The following LDLRAD4 variants were observed in gnomAD, a reference collection of about 807,000 sequenced individuals.
The protein encoded by LDLRAD4 is low density lipoprotein receptor class A domain containing 4, also known as low-density lipoprotein receptor class A domain-containing protein 4.
A neutral mutation model predicts 17.0 loss-of-function variants in LDLRAD4; 5 were observed. The ratio of observed to expected loss-of-function variants is 0.29; its 90% CI spans 0.15 to 0.62. The LOEUF is 0.62. LDLRAD4 is among the 20% of genes least tolerant of loss of function. The pLI is 0.84. For synonymous variants in LDLRAD4, 168 were observed against 171.8 expected, an observed-to-expected ratio of 0.98 and a Z score of 0.17; for missense variants, 340 against 424.7, an observed-to-expected ratio of 0.80 and a Z score of 1.75.
intron 3 of LDLRAD4, among the ~76,000 whole-genome samples, chr18:13,504,338 C>G (rs1291484163): frequency 6.6e-6 from 1 of 152,240 alleles, no homozygotes; most frequent in Non-Finnish European, 1.5e-5. Context: ...GCTTTTAAGA[C>G]AAGTGTCCAC....
chr18:13,443,913 G>T (rs2091212185), intron 3 of LDLRAD4, among the ~76,000 whole-genome samples: 1 of 152,200 alleles, frequency 6.6e-6, no homozygotes, highest in Admixed American at 6.5e-5. Flanking sequence ...CTGTGTGTGT[G>T]AAACTACCGC....
chr18:13,427,560 A>G (rs560996739), intron 2 of LDLRAD4: 1 of 152,414 alleles, frequency 6.6e-6, no homozygotes, highest in East Asian at 1.9e-4. Context: ...TTCCTGAATC[A>G]ACAGTCCAGG....
intron 1 of LDLRAD4, among the ~76,000 whole-genome samples, chr18:13,294,390 C>T (rs1476973119): frequency 1.3e-5 from 2 of 152,196 alleles, no homozygotes; most frequent in Non-Finnish European, 2.9e-5. Flanking sequence ...CTTAATCACT[C>T]GACCTGAATG....
chr18:13,604,035 A>G (rs1053376938), intron 3 of LDLRAD4, among the ~76,000 whole-genome samples: 12 of 152,380 alleles, frequency 7.9e-5, no homozygotes, highest in Admixed American at 5.2e-4. Flanking sequence ...GTGTCAGGCT[A>G]GTCTTAAATG....
At chr18:13,562,975 CTA>C (rs2094557198) in intron 3 of LDLRAD4, 1 of 152,218 alleles carries the variant, frequency 6.6e-6, no homozygotes, top group Admixed American at 6.5e-5. Flanking sequence ...CTGCCACCCT[CTA>C]TATAGAGACG....
chr18:13,410,180 ATGGGGGGCGC>A (rs2088197994), intron 2 of LDLRAD4, among the ~76,000 whole-genome samples: 2 of 152,088 alleles, frequency 1.3e-5, no homozygotes, highest in East Asian at 3.9e-4. Flanking sequence ...CTGACATGGC[ATGGGGGGCGC>A]TAAGGAGACG....
At chr18:13,523,324 A>T (rs952777144) in intron 3 of LDLRAD4, among the ~76,000 whole-genome samples, 3 of 152,186 alleles carry the variant, frequency 2.0e-5, no homozygotes, top group African/African-American at 7.2e-5. Flanking sequence ...TAGGGGGGAC[A>T]TGCAGCAGTC....
Position 13,584,013 on chromosome 18 carries a change from T to C in LDLRAD4, c.182-37104T>C, listed in dbSNP as rs60524876. 4.1e-4 allele frequency among the ~76,000 whole-genome samples: 62 copies of C among 152,222 alleles called. 1 individual carries two copies. The East Asian group carries it at 0.012, about 29-fold the overall frequency. On this transcript the variant is annotated intron_variant, in intron 3 of 5. Transcript: ENST00000359446. ...TTCCCTTGAGGACCACCACCGCCCT[T>C]AGCCCATCTCCCACACCCATCTTGC...
At chr18:13,257,877 GT>G (rs1458630035) in intron 1 of LDLRAD4, among the ~76,000 whole-genome samples, 3 of 152,190 alleles carry the variant, frequency 2.0e-5, no homozygotes, top group Non-Finnish European at 2.9e-5. Context: ...AGTAGTGGTA[GT>G]TTGGATAGAT....
intron 3 of LDLRAD4, among the ~76,000 whole-genome samples, chr18:13,566,741 T>C (rs1041295631): frequency 6.6e-6 from 1 of 152,222 alleles, no homozygotes; most frequent in Admixed American, 6.5e-5. Context: ...ACTATGGCTT[T>C]ATGTCTTTAT....
chr18:13,306,316 G>A (rs962140207), intron 1 of LDLRAD4, among the ~76,000 whole-genome samples: 1 of 152,200 alleles, frequency 6.6e-6, no homozygotes, highest in Non-Finnish European at 1.5e-5. Flanking sequence ...GAACAAGAAG[G>A]CCTGGACAGT....
upstream of LDLRAD4, among the ~76,000 whole-genome samples, chr18:13,275,801 C>T (rs1369035503): frequency 6.6e-6 from 1 of 152,116 alleles, no homozygotes; most frequent in Non-Finnish European, 1.5e-5. Context: ...TCCCATGTGC[C>T]ACATACTCTG....
At chr18:13,406,174 G>C (rs2087727798) in intron 2 of LDLRAD4, among the ~76,000 whole-genome samples, 1 of 152,176 alleles carries the variant, frequency 6.6e-6, no homozygotes, top group African/African-American at 2.4e-5. Flanking sequence ...CCCCTGGGGA[G>C]CACTGTCCTG....
intron 4 of LDLRAD4, chr18:13,642,150 A>G: frequency 1.0e-6 from 1 of 985,428 alleles, no homozygotes; most frequent in African/African-American, 1.7e-5. Context: ...CACTGATTCC[A>G]GGATGTCCCC....
intron 1 of LDLRAD4, 167 bp downstream of exon 2, chr18:13,278,355 G>A (rs2045022884): frequency 6.6e-6 from 1 of 152,432 alleles, no homozygotes. Flanking sequence ...AATGGCTGGG[G>A]CTTGGGTATC....
At chr18:13,576,936 A>G (rs1354791266) in intron 3 of LDLRAD4, among the ~76,000 whole-genome samples, 1 of 152,254 alleles carries the variant, frequency 6.6e-6, no homozygotes, top group African/African-American at 2.4e-5. Context: ...CATTAAGCAA[A>G]ACAACATGTC....
At chr18:13,242,274 A>T (rs74452156) in intron 1 of LDLRAD4, among the ~76,000 whole-genome samples, 3,747 of 152,330 alleles carry the variant, frequency 0.025, 161 homozygotes, top group African/African-American at 0.087. Flanking sequence ...TTACCCGGTC[A>T]CGTCAGTGCT....
rs916014505 is a variant in LDLRAD4, at chr18:13,621,321, T to C, written c.336+50T>C. On this transcript the variant is annotated intron_variant, in intron 4 of 5. Transcript: ENST00000359446. This position sits in a 1 kb window ranked among gnomAD's most constrained non-coding sequence, Gnocchi z 5.5. Reference sequence around the variant, plus strand: ...CCAGAGTCAGGCAGCTGCAAGAGGCTTAGGAGCCCATCAGGGTTCAGAGGC... The same window carrying C: ...CCAGAGTCAGGCAGCTGCAAGAGGCCTAGGAGCCCATCAGGGTTCAGAGGC... 6.8e-7 allele frequency: 1 copy of C among 1,460,724 alleles called. No individual in the cohort carries two copies. Among genetic ancestry groups the C allele is most frequent in the African/African-American group, 1.4e-5 (1 of 72,122 alleles). The allele number at this position is 1,460,724 out of a possible 1,614,324, so 90.5% of individuals were successfully genotyped here.
chr18:13,540,467 T>TTCTTCTTC (rs1555733235), intron 3 of LDLRAD4, among the ~76,000 whole-genome samples: 2 of 152,062 alleles, frequency 1.3e-5, no homozygotes, highest in African/African-American at 4.8e-5. Flanking sequence ...ATAACCTTTT[T>TTCTTCTTC]TTCTTCTTCT....
Sources: allele counts gnomAD v4.1 joint callset (sites outside exome capture counted in the v4.1 genomes callset), GRCh38; gene constraint gnomAD v4.1.1; non-coding constraint Gnocchi (gnomAD v3.1); transcripts MANE v1.5; gene names NCBI Gene and HGNC (gene_info 2026-07-23, HGNC 2026-07-21).